Variants in ARHGAP26 observed in about 807,000 individuals in gnomAD.
ARHGAP26 encodes rho GTPase-activating protein 26.
In ARHGAP26, 38 loss-of-function variants were observed where a neutral mutation model predicts 104.8. That is an observed-to-expected ratio of 0.36 (90% CI 0.28 to 0.48). The LOEUF is 0.48. Among genes scored for constraint, ARHGAP26 ranks in the 20% least tolerant of loss-of-function variants. The pLI, the probability that ARHGAP26 is intolerant of heterozygous loss-of-function variation, is 0.99. For synonymous variants in ARHGAP26, 341 were observed against 340.0 expected (o/e 1.00, Z -0.03); for missense variants, 704 against 947.9 (o/e 0.74, Z 3.38).
chr5:142,817,726 C>T (rs1464640120), intron 1 of ARHGAP26, among the ~76,000 whole-genome samples: 1 of 152,172 alleles, frequency 6.6e-6, no homozygotes, highest in Non-Finnish European at 1.5e-5. Flanking sequence ...TTGCCAGGAG[C>T]AGTCATTACA....
Position 142,963,177 on chromosome 5 carries a change from T to TATATATATATATAC in ARHGAP26, c.1107+31065_1107+31066insCATATATATATATA, listed in dbSNP as rs1770595029. 4.9e-5 allele frequency among the ~76,000 whole-genome samples: 5 copies of TATATATATATATAC among 101,670 alleles called. 1 individual carries two copies. Among genetic ancestry groups the TATATATATATATAC allele is most frequent in the African/African-American group, 3.2e-4 (5 of 15,616 alleles). The allele number at this position is 101,670 out of a possible 152,430, so 66.7% of individuals were successfully genotyped here. A position where few individuals can be genotyped will look rare whatever the true frequency, so the allele number is the denominator to read the frequency against. On this transcript the variant is annotated intron_variant, in intron 11 of 22. Coordinates refer to ENST00000645722, the MANE Select transcript of ARHGAP26 (RefSeq NM_001135608.3). The stretch of plus-strand genomic sequence containing the variant: ...TAGTATTCCATGGTATATATGTATA[T>TATATATATATATAC]ATATATATATATATATATATATGTG...
intron 11 of ARHGAP26, among the ~76,000 whole-genome samples, chr5:142,986,911 G>A (rs1774829170): frequency 6.6e-6 from 1 of 152,188 alleles, no homozygotes; most frequent in Non-Finnish European, 1.5e-5. Context: ...CTGTAGCTTT[G>A]TGGTATAGTT....
chr5:143,105,906 A>G (rs1419622438), intron 17 of ARHGAP26, among the ~76,000 whole-genome samples: 4 of 152,072 alleles, frequency 2.6e-5, no homozygotes, highest in African/African-American at 9.7e-5. Flanking sequence ...CAAATAGAGA[A>G]GAGACTTTTT....
At chr5:143,219,037 G>A (rs1026136545) in intron 22 of ARHGAP26, among the ~76,000 whole-genome samples, 9 of 152,238 alleles carry the variant, frequency 5.9e-5, no homozygotes, top group African/African-American at 9.6e-5. Context: ...TGTGAAGTGC[G>A]TATTCGCAAA....
At chr5:142,902,873 G>A (rs1760560646) in intron 7 of ARHGAP26, among the ~76,000 whole-genome samples, 1 of 152,200 alleles carries the variant, frequency 6.6e-6, no homozygotes, top group African/African-American at 2.4e-5. Context: ...TGGAGGTGGG[G>A]GCAATGCTGG....
chr5:142,834,803 C>A (rs189434506), intron 1 of ARHGAP26, among the ~76,000 whole-genome samples: 45 of 152,316 alleles, frequency 3.0e-4, no homozygotes, highest in Admixed American at 2.6e-3. Context: ...ATCACAGAAT[C>A]CAGAGAGTGG....
intron 10 of ARHGAP26, among the ~76,000 whole-genome samples, chr5:142,931,463 G>A (rs1764703591): frequency 6.6e-6 from 1 of 152,172 alleles, no homozygotes; most frequent in Non-Finnish European, 1.5e-5. Context: ...TGCATGTAAA[G>A]CACTTAGCAC....
At chr5:143,103,792 AC>A (rs1793605374) in intron 17 of ARHGAP26, among the ~76,000 whole-genome samples, 1 of 152,132 alleles carries the variant, frequency 6.6e-6, no homozygotes, top group African/African-American at 2.4e-5. Context: ...CCGGGACCTA[AC>A]AGGGGGTAGG....
rs149891468 is a variant in ARHGAP26, at chr5:142,906,830, A to G, written c.833-874A>G. Among the ~76,000 whole-genome samples the G allele has an allele frequency of 2.7e-3, 408 of 152,348 alleles. 9 individuals are homozygous for G. In the East Asian group the frequency reaches 0.044, roughly 16 times the overall value. On this transcript the variant is annotated intron_variant, in intron 8 of 22. Transcript: ENST00000645722. ...TTGCAGTTGGCAGTCATGCCATACCATTGATAATTATTAAACGTCTGCTAA... is the reference window on the plus strand; with the variant it reads ...TTGCAGTTGGCAGTCATGCCATACCGTTGATAATTATTAAACGTCTGCTAA...
At chr5:142,798,891 C>T (rs1160862591) in intron 1 of ARHGAP26, among the ~76,000 whole-genome samples, 1 of 152,210 alleles carries the variant, frequency 6.6e-6, no homozygotes, top group Non-Finnish European at 1.5e-5. Flanking sequence ...ATGCAGCTCT[C>T]ATTGCAGCAT....
chr5:143,102,717 C>T (rs551273511), intron 17 of ARHGAP26, among the ~76,000 whole-genome samples: 6 of 152,356 alleles, frequency 3.9e-5, no homozygotes, highest in South Asian at 4.1e-4. Context: ...TCACTAATAA[C>T]GTTCTCTGCA....
Position 143,120,995 on chromosome 5 carries a change from A to G in ARHGAP26, c.1546A>G (p.Asn516Asp), listed in dbSNP as rs1796063109. The stretch of plus-strand genomic sequence containing the variant: ...TCTTTTCCTTCCTCCCAGTGTTGCT[A>G]ACAACCACAAGCAGAATTTGATGAC... ...LLMNHLANVA[N>D]NHKQNLMTVA... Residue 516 changes from asparagine (N) to aspartate (D), a missense_variant, in exon 18 of 23, where the codon AAC (asparagine) becomes GAC (aspartate). Asn to Asp is a conservative substitution (Grantham distance 23). Around this residue, in one of 6 missense-constraint regions of ARHGAP26, gnomAD observed 287 missense variants for 438.8 expected, o/e 0.65. Coordinates refer to ENST00000645722, the MANE Select transcript of ARHGAP26 (RefSeq NM_001135608.3). 3 of 1,612,392 alleles carry G rather than the reference A, an allele frequency of 1.9e-6. No individual in the cohort carries two copies. The highest frequency in any genetic ancestry group is 2.2e-5 in the South Asian group (2 of 90,892).
intron 10 of ARHGAP26, among the ~76,000 whole-genome samples, chr5:142,929,338 G>C (rs1230522852): frequency 1.3e-5 from 2 of 152,194 alleles, no homozygotes; most frequent in Non-Finnish European, 2.9e-5. Context: ...TTGACATCCT[G>C]TAAGAGAAGG....
At chr5:143,059,108 G>A (rs1488593970) in intron 17 of ARHGAP26, among the ~76,000 whole-genome samples, 1 of 152,220 alleles carries the variant, frequency 6.6e-6, no homozygotes, top group Non-Finnish European at 1.5e-5. Context: ...CGTTTGTTAA[G>A]CAGAGAAGCT....
At position 142,879,467 on chromosome 5, in the gene ARHGAP26, GT is replaced by G. The variant is rs752884065; in HGVS notation, c.384+23del. 2.3e-4 allele frequency: 373 copies of G among 1,604,144 alleles called. 2 individuals are homozygous for G. The South Asian group carries it at 3.9e-3, about 17-fold the overall frequency. ...CAAGGTGAGAATTTTGCAAGCTTTG[GT>G]CTGGATTTTAGGGTGAGAGGTCTGG... On this transcript the variant is annotated intron_variant, in intron 4 of 22. Coordinates refer to ENST00000645722, the MANE Select transcript of ARHGAP26 (RefSeq NM_001135608.3).
At chr5:142,849,581 T>C (rs890461035) in intron 1 of ARHGAP26, among the ~76,000 whole-genome samples, 1 of 152,156 alleles carries the variant, frequency 6.6e-6, no homozygotes, top group Non-Finnish European at 1.5e-5. Context: ...CAAGGTTCCC[T>C]TCCTTGTGGG....
chr5:143,004,433 T>C (rs548801646), intron 11 of ARHGAP26, among the ~76,000 whole-genome samples: 5 of 152,208 alleles, frequency 3.3e-5, no homozygotes, highest in Admixed American at 3.3e-4. Flanking sequence ...CCTATACCAG[T>C]GAAAGGGTTA....
At chr5:143,194,575 A>G (rs1052876191) in intron 20 of ARHGAP26, among the ~76,000 whole-genome samples, 3 of 147,454 alleles carry the variant, frequency 2.0e-5, no homozygotes, top group Non-Finnish European at 4.5e-5. Flanking sequence ...TCAGATTTGG[A>G]AAAAAAAAAA....
intron 17 of ARHGAP26, among the ~76,000 whole-genome samples, chr5:143,086,202 C>T (rs1790567216): frequency 6.6e-6 from 1 of 152,124 alleles, no homozygotes; most frequent in African/African-American, 2.4e-5. Flanking sequence ...AGAATTATTC[C>T]AGATGGCTAT....
Sources: gnomAD v4.1 joint callset for allele counts (sites outside exome capture counted in the v4.1 genomes callset) on GRCh38, gnomAD v4.1.1 for gene constraint, gnomAD v4.1.1 regional missense constraint, MANE v1.5 for transcripts, NCBI Gene and HGNC (gene_info 2026-07-23, HGNC 2026-07-21) for gene names.